RPF1: variants seen among roughly 807,000 people sequenced by gnomAD.
RPF1 encodes ribosome production factor 1.
A neutral mutation model predicts 41.9 loss-of-function variants in RPF1; 34 were observed. That is an observed-to-expected ratio of 0.81 (90% CI 0.62 to 1.08). The LOEUF is 1.08. RPF1 is among the 50% of genes least tolerant of loss of function. The pLI, the probability that RPF1 is intolerant of heterozygous loss-of-function variation, is 0.00. For synonymous variants in RPF1, 140 were observed against 148.9 expected (o/e 0.94, Z 0.43); for missense variants, 425 against 435.2 (o/e 0.98, Z 0.21).
Position 84,480,530 on chromosome 1 carries a change from AC to A in RPF1, c.229-424del, listed in dbSNP as rs371089694. ...ACTGGTGATGGTTTTATGGAAAACA[AC>A]CTGAAAACTCAGCTCCCATTCCTAT... On this transcript the variant is annotated intron_variant, in intron 1 of 8. Transcript: ENST00000370654. 3.4e-3 allele frequency among the ~76,000 whole-genome samples: 521 copies of A among 152,358 alleles called. 6 individuals carry two copies. Among genetic ancestry groups the A allele is most frequent in the South Asian group, 0.018 (88 of 4,826 alleles).
Position 84,495,966 on chromosome 1 carries a change from A to G in RPF1, c.784A>G (p.Met262Val). ...TTRLGHSIGR[M>V]FASLFPHNPQ... ...ACGGCTGGGTCATTCAATTGGACGT[A>G]TGTTTGCATCTCTCTTTCCTCATAA... The change falls in exon 7 of 9, where the codon ATG becomes GTG. Residue 262 changes from methionine to valine, a missense_variant. Coordinates refer to ENST00000370654, the MANE Select transcript of RPF1 (RefSeq NM_025065.7). 1 of 1,609,650 alleles carries G rather than the reference A, an allele frequency of 6.2e-7. No homozygotes were observed. The highest frequency in any genetic ancestry group is 8.5e-7 in the Non-Finnish European group (1 of 1,175,938).
At chr1:84,495,080 T>C (rs1681907249) in intron 5 of RPF1, among the ~76,000 whole-genome samples, 1 of 152,162 alleles carries the variant, frequency 6.6e-6, no homozygotes, top group African/African-American at 2.4e-5. Context: ...AAATAGCTTT[T>C]TTTCACCTAC....
At chr1:84,486,545 G>A (rs150927354) in intron 3 of RPF1, among the ~76,000 whole-genome samples, 3,053 of 133,804 alleles carry the variant, frequency 0.023, 59 homozygotes, top group African/African-American at 0.057. Context: ...CCGAGATCGC[G>A]CCACTGCACT....
intron 3 of RPF1, among the ~76,000 whole-genome samples, chr1:84,486,492 G>A (rs906110584): frequency 2.0e-5 from 3 of 150,070 alleles, no homozygotes; most frequent in Non-Finnish European, 4.4e-5. Context: ...GGAGGCTGAA[G>A]CAGGAGAATG....
intron 2 of RPF1, 76 bp downstream of exon 2, chr1:84,481,088 TC>T (rs1448165661): frequency 5.0e-6 from 4 of 801,344 alleles, no homozygotes; most frequent in Non-Finnish European, 8.2e-6. Context: ...TGAATTACTT[TC>T]TTTTAAAATT....
intron 3 of RPF1, among the ~76,000 whole-genome samples, chr1:84,483,559 G>A (rs369484454): frequency 3.9e-5 from 6 of 152,138 alleles, no homozygotes; most frequent in South Asian, 2.1e-4. Flanking sequence ...GAGCCACTGC[G>A]CCTGGCCTGG....
chr1:84,497,493 AT>A lies in RPF1; in HGVS notation c.*27del. On this transcript the variant is annotated 3_prime_UTR_variant, in exon 9 of 9. Coordinates refer to ENST00000370654, the MANE Select transcript of RPF1 (RefSeq NM_025065.7). ...TAAAGTACTGAGAGAATGATATTGG[AT>A]TTTGCTGAACAGGCCTATCTTGAAC... is the stretch of plus-strand genomic sequence containing the variant. The A allele has an allele frequency of 6.3e-7, 1 of 1,580,904 alleles. No homozygotes were observed. The highest frequency in any genetic ancestry group is 1.7e-5 in the Admixed American group (1 of 58,274).
intron 3 of RPF1, among the ~76,000 whole-genome samples, chr1:84,486,353 C>T (rs1170281841): frequency 2.0e-5 from 3 of 151,812 alleles, no homozygotes; most frequent in Non-Finnish European, 2.9e-5. Context: ...TTTGGGAGGC[C>T]GAGACGGGTG....
intron 3 of RPF1, among the ~76,000 whole-genome samples, chr1:84,483,652 A>G (rs1272044553): frequency 6.6e-6 from 1 of 152,144 alleles, no homozygotes; most frequent in Admixed American, 6.6e-5. Context: ...ATTTGATGCT[A>G]TTTTTTGTAT....
At chr1:84,481,349 T>A (rs1681643692) in intron 2 of RPF1, among the ~76,000 whole-genome samples, 1 of 152,248 alleles carries the variant, frequency 6.6e-6, no homozygotes, top group Non-Finnish European at 1.5e-5. Flanking sequence ...GTATTTTGCA[T>A]ATAACTTTGT....
chr1:84,493,187 G>A (rs1037124497), intron 5 of RPF1, among the ~76,000 whole-genome samples: 12 of 152,056 alleles, frequency 7.9e-5, no homozygotes, highest in African/African-American at 1.9e-4. Context: ...TGATTTGGGC[G>A]TTGGAAGAAA....
rs576561861 is a variant in RPF1, at chr1:84,482,926, G to A, written c.297G>A (p.Lys99=). ...REALGDKAPP[K]PVPKTIDNQR... ...TCTCTTTTACTTAGGCTCCACCAAA[G>A]CCTGTACCCAAGACCATTGACAACC... The change falls in exon 3 of 9, where the codon AAG becomes AAA. Residue 99 remains lysine (K), a synonymous_variant. Transcript: ENST00000370654. The A allele has an allele frequency of 1.9e-6, 3 of 1,608,320 alleles. No homozygotes were observed. Among genetic ancestry groups the A allele is most frequent in the African/African-American group, 2.7e-5 (2 of 74,898 alleles).
intron 1 of RPF1, 139 bp downstream of exon 1, chr1:84,479,648 C>T: frequency 2.6e-6 from 2 of 775,910 alleles, no homozygotes; most frequent in Non-Finnish European, 4.1e-6. Flanking sequence ...CGTCGCGGCC[C>T]ACGTGTTCTG....
chr1:84,480,813 C>A (rs1681631680), intron 1 of RPF1, 143 bp from the exon 2 acceptor site: 6 of 486,480 alleles, frequency 1.2e-5, no homozygotes, highest in Admixed American at 3.9e-5. Context: ...GTAGAAAACT[C>A]CACGTCCAGA....
intron 5 of RPF1, among the ~76,000 whole-genome samples, chr1:84,493,140 C>T (rs1429315998): frequency 6.6e-6 from 1 of 152,108 alleles, no homozygotes; most frequent in African/African-American, 2.4e-5. Context: ...ACACAGACCA[C>T]AATTTAGTGG....
In RPF1 at chr1:84,495,467, A is replaced by G. The variant is rs201356280; in HGVS notation, c.699+12A>G. 5.3e-4 allele frequency: 625 copies of G among 1,173,830 alleles called. No homozygotes were observed. The highest frequency in any genetic ancestry group is 7.3e-4 in the Non-Finnish European group (583 of 802,748). The allele number at this position is 1,173,830 out of a possible 1,614,324, so 72.7% of individuals were successfully genotyped here. On this transcript the variant is annotated intron_variant, in intron 6 of 8. Transcript: ENST00000370654. Reference sequence around the variant, plus strand: ...GTAAAGAAATTAAGGTAAGTTTTATACATTTCTTTGATTGGCATTGATCTC... The same window carrying G: ...GTAAAGAAATTAAGGTAAGTTTTATGCATTTCTTTGATTGGCATTGATCTC...
At chr1:84,481,053 A>G (rs755333605) in intron 2 of RPF1, 41 bp downstream of exon 2, 33 of 1,132,690 alleles carry the variant, frequency 2.9e-5, no homozygotes, top group Non-Finnish European at 4.0e-5. Context: ...ATCTTATATT[A>G]GGGAATCCCT....
chr1:84,485,072 G>A (rs1327450635), intron 3 of RPF1, among the ~76,000 whole-genome samples: 2 of 152,040 alleles, frequency 1.3e-5, no homozygotes, highest in Non-Finnish European at 2.9e-5. Context: ...ATTTATTTAT[G>A]TTTCATATAC....
At chr1:84,491,593 C>G (rs1453514859) in intron 5 of RPF1, among the ~76,000 whole-genome samples, 1 of 152,144 alleles carries the variant, frequency 6.6e-6, no homozygotes, top group Non-Finnish European at 1.5e-5. Flanking sequence ...TATCTAAAAT[C>G]TCTTGAATAC....
Sources: gnomAD v4.1 joint callset for allele counts (sites outside exome capture counted in the v4.1 genomes callset) on GRCh38, gnomAD v4.1.1 for gene constraint, MANE v1.5 for transcripts, NCBI Gene and HGNC (gene_info 2026-07-23, HGNC 2026-07-21) for gene names.